The following SLC8A1 variants were observed in gnomAD, a reference collection of about 807,000 sequenced individuals.
SLC8A1 encodes solute carrier family 8 member A1.
Under a neutral mutation model 68.3 loss-of-function variants are expected in SLC8A1, and 18 were observed. That is an observed-to-expected ratio of 0.26 (90% CI 0.18 to 0.39). The LOEUF (loss-of-function observed/expected upper bound fraction) is 0.39. Among genes scored for constraint, SLC8A1 ranks in the 10% least tolerant of loss-of-function variants. The pLI is 1.00. For synonymous variants in SLC8A1, 475 were observed against 415.5 expected (o/e 1.14, Z -1.74); for missense variants, 985 against 1,156.7 (o/e 0.85, Z 2.15).
At chr2:40,478,035 C>G (rs1704397914) in intron 1 of SLC8A1, among the ~76,000 whole-genome samples, 1 of 152,188 alleles carries the variant, frequency 6.6e-6, no homozygotes, top group Non-Finnish European at 1.5e-5. Context: ...GTTTTGACAT[C>G]AAACTGTGAA....
intron 2 of SLC8A1, among the ~76,000 whole-genome samples, chr2:40,420,896 T>G (rs1015990017): frequency 2.6e-5 from 4 of 152,196 alleles, no homozygotes; most frequent in African/African-American, 9.7e-5. Context: ...ATCCACCCTT[T>G]ATTAGCTGTG....
chr2:40,416,041 C>T (rs148708099), intron 2 of SLC8A1, among the ~76,000 whole-genome samples: 20 of 133,070 alleles, frequency 1.5e-4, no homozygotes, highest in Non-Finnish European at 2.8e-4. Context: ...ACAGATTGAG[C>T]GAGGCTCTGT....
rs138525886 is a variant in SLC8A1, at chr2:40,300,121, G to A, written c.1809-122266C>T. ...CTTCTAAGTCTGCCAACCCAGCCCT[G>A]AGGGCCCATGAAGATCTATGCTGCT... On this transcript the variant is annotated intron_variant, in intron 2 of 7. Transcript: ENST00000406785. 4.1e-3 allele frequency among the ~76,000 whole-genome samples: 626 copies of A among 152,228 alleles called. 1 individual carries two copies. Among genetic ancestry groups the A allele is most frequent in the Admixed American group, 6.9e-3 (106 of 15,286 alleles).
chr2:40,333,494 A>T (rs1239986654), intron 2 of SLC8A1, among the ~76,000 whole-genome samples: 14 of 151,980 alleles, frequency 9.2e-5, no homozygotes. Context: ...TTTATTCCCA[A>T]GCTAGCATAA....
At chr2:40,441,050 C>T (rs991865896) in intron 1 of SLC8A1, among the ~76,000 whole-genome samples, 4 of 152,172 alleles carry the variant, frequency 2.6e-5, no homozygotes, top group African/African-American at 9.7e-5. Flanking sequence ...AGCCCAAAAA[C>T]TCCTTAAGCT....
intron 1 of SLC8A1, among the ~76,000 whole-genome samples, chr2:40,504,683 A>G (rs1252081193): frequency 3.9e-5 from 6 of 152,038 alleles, no homozygotes; most frequent in South Asian, 2.1e-4. Flanking sequence ...AAGAAGACAT[A>G]CAAATGGTAA....
intron 1 of SLC8A1, among the ~76,000 whole-genome samples, chr2:40,435,998 C>T (rs1200091386): frequency 6.8e-6 from 1 of 148,030 alleles, no homozygotes. Flanking sequence ...ATGTTGAACT[C>T]CTGACCTTAG....
At chr2:40,283,632 T>G (rs548190497) in intron 2 of SLC8A1, among the ~76,000 whole-genome samples, 44 of 152,314 alleles carry the variant, frequency 2.9e-4, no homozygotes, top group Admixed American at 4.6e-4. Context: ...CATTGCTTAA[T>G]TTTTTCTTGC....
chr2:40,482,355 T>G (rs2149913800), intron 1 of SLC8A1, among the ~76,000 whole-genome samples: 1 of 152,308 alleles, frequency 6.6e-6, no homozygotes, highest in African/African-American at 2.4e-5. Context: ...GGGTTGAAGC[T>G]TATACAATAT....
At chr2:40,314,853 T>G (rs2074229298) in intron 2 of SLC8A1, among the ~76,000 whole-genome samples, 1 of 152,070 alleles carries the variant, frequency 6.6e-6, no homozygotes, top group African/African-American at 2.4e-5. Context: ...TCTTGTACCC[T>G]GCAAACTTGT....
intron 7 of SLC8A1, among the ~76,000 whole-genome samples, chr2:40,121,909 C>G (rs537041982): frequency 4.3e-4 from 66 of 152,184 alleles, no homozygotes; most frequent in Non-Finnish European, 9.1e-4. Flanking sequence ...TTCATACAAC[C>G]AAAGTCATTA....
At chr2:40,477,006 G>T (rs1014105433) in intron 1 of SLC8A1, among the ~76,000 whole-genome samples, 1 of 151,886 alleles carries the variant, frequency 6.6e-6, no homozygotes, top group Non-Finnish European at 1.5e-5. Flanking sequence ...AATTTTTTTT[G>T]GGAGGATGTT....
chr2:40,429,947 C>G (rs764980197), exon 2 of SLC8A1: 77 of 1,613,290 alleles, frequency 4.8e-5, no homozygotes, highest in Non-Finnish European at 6.0e-5. Flanking sequence ...ATGGTTATTT[C>G]TTTTTCTTGA....
At chr2:40,374,224 G>C (rs1679069812) in intron 2 of SLC8A1, among the ~76,000 whole-genome samples, 1 of 151,962 alleles carries the variant, frequency 6.6e-6, no homozygotes, top group Admixed American at 6.6e-5. Context: ...AGAAAAGATG[G>C]AATAAGGCCA....
chr2:40,307,387 G>C (rs1474332363), intron 2 of SLC8A1, among the ~76,000 whole-genome samples: 2 of 152,130 alleles, frequency 1.3e-5, no homozygotes, highest in African/African-American at 2.4e-5. Flanking sequence ...GCTGGGAGAA[G>C]GGGAAAAGGG....
chr2:40,180,529 G>A (rs946547604), intron 2 of SLC8A1, among the ~76,000 whole-genome samples: 1 of 152,156 alleles, frequency 6.6e-6, no homozygotes, highest in Non-Finnish European at 1.5e-5. Flanking sequence ...AAACAGCATG[G>A]TGAGACCAAG....
At chr2:40,469,351 A>G (rs1030880559) in intron 1 of SLC8A1, among the ~76,000 whole-genome samples, 2 of 152,040 alleles carry the variant, frequency 1.3e-5, no homozygotes, top group African/African-American at 4.8e-5. Flanking sequence ...AGTGTGTGGC[A>G]CTTCCCTCCT....
chr2:40,192,738 C>CTTTTT (rs932843081), intron 2 of SLC8A1, among the ~76,000 whole-genome samples: 1 of 151,894 alleles, frequency 6.6e-6, no homozygotes, highest in Non-Finnish European at 1.5e-5. Context: ...GTCCTGAATA[C>CTTTTT]TTTTTTTTAT....
chr2:40,284,257 A>C (rs867303233), intron 2 of SLC8A1, among the ~76,000 whole-genome samples: 25 of 150,014 alleles, frequency 1.7e-4, no homozygotes, highest in African/African-American at 5.1e-4. Context: ...ATTTCTCTCT[A>C]TATATAAATA....
Sources: gnomAD v4.1 joint callset for allele counts (sites outside exome capture counted in the v4.1 genomes callset) on GRCh38, gnomAD v4.1.1 for gene constraint, MANE v1.5 for transcripts, NCBI Gene and HGNC (gene_info 2026-07-23, HGNC 2026-07-21) for gene names.